The following PTOV1 variants were observed in gnomAD, a reference collection of about 807,000 sequenced individuals.
The protein encoded by PTOV1 is prostate tumor-overexpressed gene 1 protein.
A neutral mutation model predicts 58.0 loss-of-function variants in PTOV1; 20 were observed. That is an observed-to-expected ratio of 0.34 (90% CI 0.24 to 0.50). The LOEUF (loss-of-function observed/expected upper bound fraction) is 0.50, where lower values mean the gene tolerates loss of function less well. PTOV1 is among the 20% of genes least tolerant of loss of function. The pLI is 0.98. For missense variants in PTOV1, 593 were observed against 565.4 expected (o/e 1.05, Z -0.50); for synonymous variants, 335 against 234.2 (o/e 1.43, Z -3.93).
At chr19:49,854,926 C>G (rs2278836) in intron 4 of PTOV1, 38 bp downstream of exon 4, 1 of 1,596,226 alleles carries the variant, frequency 6.3e-7, no homozygotes, top group Non-Finnish European at 8.5e-7. Context: ...ACTCTGAGCA[C>G]CCCCATGCCT....
Position 49,851,540 on chromosome 19 carries a change from G to A in PTOV1, c.171+41G>A, listed in dbSNP as rs1259337630. The A allele has an allele frequency of 5.4e-6, 5 of 925,474 alleles. No homozygotes were observed. The African/African-American group carries it at 7.3e-5, about 13-fold the overall frequency. The allele number at this position is 925,474 out of a possible 1,614,324, so 57.3% of individuals were successfully genotyped here. A position where few individuals can be genotyped will look rare whatever the true frequency, so the allele number is the denominator to read the frequency against. The stretch of plus-strand genomic sequence containing the variant: ...TTTTTCCAGAGCCTTCCACGGCCCC[G>A]CCCCCCCAGCCCCTATCCCGGGCTC... On this transcript the variant is annotated intron_variant, in intron 1 of 11. Transcript: ENST00000391842.
At chr19:49,857,169 G>T (rs1256327745) in intron 6 of PTOV1, 39 bp downstream of exon 6, 1 of 1,611,520 alleles carries the variant, frequency 6.2e-7, no homozygotes, top group South Asian at 1.1e-5. Context: ...GGACAGAGGG[G>T]GATTAGACCC....
exon 12 of PTOV1, chr19:49,860,287 C>T: frequency 1.2e-6 from 2 of 1,613,136 alleles, no homozygotes; most frequent in Non-Finnish European, 1.7e-6. Flanking sequence ...TAGTGGTTAC[C>T]CCGGGCTGGG....
At chr19:49,860,609 C>T (rs1342144341) in exon 12 of PTOV1, 2 of 508,962 alleles carry the variant, frequency 3.9e-6, no homozygotes, top group African/African-American at 1.9e-5. Flanking sequence ...CACCCCTGCC[C>T]CCAGGTGACA....
chr19:49,858,892 A>G (rs921915357), intron 10 of PTOV1: 2 of 491,644 alleles, frequency 4.1e-6, no homozygotes, highest in Non-Finnish European at 7.4e-6. Flanking sequence ...GGGCTGACTC[A>G]GCACCAACTC....
exon 1 of PTOV1, chr19:49,851,380 G>A (rs2074238540): frequency 8.7e-7 from 1 of 1,145,924 alleles, no homozygotes; most frequent in South Asian, 4.3e-5. Flanking sequence ...GGGCCCCCTC[G>A]GGGGTCGCGG....
rs376575943 is a variant in PTOV1 at position 49,855,451 on chromosome 19, C to T, written c.558+374C>T. 20 of 285,498 alleles carry T rather than the reference C, an allele frequency of 7.0e-5. 2 individuals are homozygous for T. Among genetic ancestry groups the T allele is most frequent in the Admixed American group, 6.6e-4 (15 of 22,584 alleles). 17.7% of individuals were successfully genotyped at this position (285,498 alleles called of 1,614,324 possible). A position where few individuals can be genotyped will look rare whatever the true frequency, so the allele number is the denominator to read the frequency against. On this transcript the variant is annotated intron_variant, in intron 5 of 11. Transcript: ENST00000391842. ...ACAAGAGCCAGCCAGGAGGGAGTGG[C>T]ACGTTGGGGCTTGGTATTCTGGTCT...
upstream of PTOV1, chr19:49,850,886 G>A: frequency 6.5e-7 from 1 of 1,535,784 alleles, no homozygotes. Context: ...TCCGGATGAG[G>A]TCTCCCGCCG....
intron 5 of PTOV1, chr19:49,856,653 C>A: frequency 2.8e-6 from 1 of 359,462 alleles, no homozygotes; most frequent in Non-Finnish European, 5.2e-6. Flanking sequence ...GCTCTTAACC[C>A]CCAGGCCAAG....
intron 1 of PTOV1, chr19:49,851,875 G>C (rs566743398): frequency 2.5e-4 from 249 of 986,676 alleles, no homozygotes; most frequent in Non-Finnish European, 2.5e-4. Context: ...GGCGGTTTTG[G>C]GGGACAGCGG....
exon 6 of PTOV1, chr19:49,857,124 C>T (rs770993667): frequency 3.1e-6 from 5 of 1,614,034 alleles, no homozygotes; most frequent in South Asian, 1.1e-5. Flanking sequence ...TCACCACCCG[C>T]AAGCAGGTGT....
At chr19:49,852,623 C>T (rs1477664814) in intron 1 of PTOV1, 1 of 152,116 alleles carries the variant, frequency 6.6e-6, no homozygotes, top group African/African-American at 2.4e-5. Flanking sequence ...TGGAAGGTAT[C>T]CCTGGGTTTT....
intron 5 of PTOV1, chr19:49,855,752 G>GCCGTGCTTCCTAGGGCCA (rs2074435828): frequency 1.9e-5 from 3 of 154,616 alleles, no homozygotes; most frequent in African/African-American, 7.2e-5. Flanking sequence ...GGACAGGGGA[G>GCCGTGCTTCCTAGGGCCA]CCGTGCTTCC....
At chr19:49,860,446 G>C (rs934897516) in exon 12 of PTOV1, 52 of 1,067,718 alleles carry the variant, frequency 4.9e-5, no homozygotes, top group African/African-American at 1.1e-4. Context: ...AGCAGAGGGA[G>C]AGGCAGCAGT....
exon 10 of PTOV1, chr19:49,858,629 G>T: frequency 6.2e-7 from 1 of 1,602,846 alleles, no homozygotes; most frequent in Non-Finnish European, 8.5e-7. Flanking sequence ...TGAAGAGCCT[G>T]TGCCGGATCA....
At chr19:49,856,749 TGGGTGCC>T (rs1004601485) in intron 5 of PTOV1, 10 of 540,170 alleles carry the variant, frequency 1.9e-5, no homozygotes, top group Non-Finnish European at 2.9e-5. Context: ...CACCGCAGCC[TGGGTGCC>T]GGGTGCCACT....
At chr19:49,860,389 G>GCCCCGGGAC in exon 12 of PTOV1, 1 of 1,203,046 alleles carries the variant, frequency 8.3e-7, no homozygotes, top group Non-Finnish European at 1.2e-6. Flanking sequence ...TGTGGGGGGG[G>GCCCCGGGAC]TGGGGTTGGG....
At position 49,857,991 on chromosome 19, in the gene PTOV1, TG is replaced by T. The variant is rs768891544; in HGVS notation, c.878+20del. 42 of 1,612,872 alleles carry T rather than the reference TG, an allele frequency of 2.6e-5. No homozygotes were observed. In the East Asian group the frequency reaches 8.5e-4, roughly 33 times the overall value. Reference sequence around the variant, plus strand: ...GGGGGAGATCCTGTGAGTGCTGGGCTGGGGGGTGGAGGCAGCATCCAGGGGA... The same window carrying T: ...GGGGGAGATCCTGTGAGTGCTGGGCTGGGGGTGGAGGCAGCATCCAGGGGA... On this transcript the variant is annotated intron_variant, in intron 8 of 11. Transcript: ENST00000391842.
chr19:49,851,071 G>T, upstream of PTOV1: 1 of 1,469,042 alleles, frequency 6.8e-7, no homozygotes, highest in Non-Finnish European at 9.0e-7. Flanking sequence ...GCTCCCGCCC[G>T]GGCCCCGCTC....
Sources: gnomAD v4.1 joint callset for allele counts on GRCh38, gnomAD v4.1.1 for gene constraint, MANE v1.5 for transcripts, NCBI Gene and HGNC (gene_info 2026-07-23, HGNC 2026-07-21) for gene names.